Variants in MTOR observed in about 807,000 individuals in gnomAD.
The protein encoded by MTOR is mechanistic target of rapamycin kinase.
A neutral mutation model predicts 319.8 loss-of-function variants in MTOR; 70 were observed. The observed-to-expected ratio is 0.22, with a 90% CI of 0.18 to 0.27. MTOR has a LOEUF of 0.27. Ranked by LOEUF, MTOR falls within the 10% of genes least tolerant of loss-of-function variation. The pLI, the probability that MTOR is intolerant of heterozygous loss-of-function variation, is 1.00. For synonymous variants in MTOR, 1,183 were observed against 1,211.4 expected (o/e 0.98, Z 0.49); for missense variants, 1,890 against 3,274.4 (o/e 0.58, Z 10.32).
At chr1:11,251,472 A>G (rs1163681120) in intron 6 of MTOR, among the ~76,000 whole-genome samples, 6 of 152,174 alleles carry the variant, frequency 3.9e-5, no homozygotes. Flanking sequence ...CATATGATAT[A>G]TAATAGGTTT....
intron 6 of MTOR, among the ~76,000 whole-genome samples, chr1:11,251,050 C>G (rs1005632569): frequency 6.6e-6 from 1 of 152,204 alleles, no homozygotes; most frequent in African/African-American, 2.4e-5. Flanking sequence ...ACAATCCATT[C>G]TCAACACAAT....
At chr1:11,117,611 T>G (rs995140150) in intron 49 of MTOR, among the ~76,000 whole-genome samples, 1 of 152,092 alleles carries the variant, frequency 6.6e-6, no homozygotes, top group Non-Finnish European at 1.5e-5. Flanking sequence ...ATGAAAAATA[T>G]CAGTTTAAGG....
At chr1:11,238,916 C>T (rs1204145186) in intron 11 of MTOR, among the ~76,000 whole-genome samples, 7 of 148,932 alleles carry the variant, frequency 4.7e-5, no homozygotes, top group African/African-American at 1.7e-4. Flanking sequence ...GTGCCTACCA[C>T]CACGCCTGGC....
At chr1:11,108,384 T>A in intron 56 of MTOR, 98 bp from the exon 57 acceptor site, 1 of 973,142 alleles carries the variant, frequency 1.0e-6, no homozygotes, top group Non-Finnish European at 1.6e-6. Flanking sequence ...CAGCTTATCG[T>A]CAGACATGAA....
Position 11,212,883 on chromosome 1 carries a change from C to T in MTOR, c.3311G>A (p.Gly1104Asp). ...IKLLAAIQLF[G>D]ANLDDYLHLL... is the part of the protein sequence containing the mutation. ...ATGCAGGTAGTCATCCAGGTTGGCG[C>T]CAAACAGCTGGATTGCAGCCAGTAA... Residue 1104 changes from glycine (G) to aspartate (D), a missense_variant, in exon 22 of 58, where the codon GGC becomes GAC. Gly to Asp is a moderately conservative substitution (Grantham distance 94). This residue lies in a region of MTOR where 377 missense variants were observed against 653.9 expected (regional missense o/e 0.58). Transcript: ENST00000361445. The surrounding 1 kb of genome is among the most constrained non-coding windows in gnomAD (Gnocchi z 4.1). 6.2e-7 allele frequency: 1 copy of T among 1,613,994 alleles called. No individual in the cohort carries two copies. The highest frequency in any genetic ancestry group is 8.5e-7 in the Non-Finnish European group (1 of 1,179,954).
At chr1:11,124,433 G>A (rs895741101) in intron 47 of MTOR, 65 bp downstream of exon 47, 8 of 1,569,158 alleles carry the variant, frequency 5.1e-6, no homozygotes, top group African/African-American at 1.4e-5. Context: ...ATGACTACAC[G>A]AGACAAATGT....
At chr1:11,112,793 C>G in intron 54 of MTOR, 59 bp downstream of exon 54, 1 of 1,578,940 alleles carries the variant, frequency 6.3e-7, no homozygotes, top group Non-Finnish European at 8.7e-7. Flanking sequence ...GCCCACCCCA[C>G]TCTACAAACA....
In MTOR at chr1:11,139,593, A is replaced by G. The variant is rs768933212; in HGVS notation, c.4938T>C (p.Pro1646=). The G allele has an allele frequency of 1.9e-6, 3 of 1,614,184 alleles. No homozygotes were observed. The highest frequency in any genetic ancestry group is 8.5e-7 in the Non-Finnish European group (1 of 1,180,028). ...ILMVRSLVVS[P]HEDMRTWLKY... ...TGAGCCAGGTTCTCATGTCTTCATG[A>G]GGGCTGACCACAAGGGACCGCACCA... is the stretch of plus-strand genomic sequence containing the variant. Residue 1646 remains proline (P), a synonymous_variant, in exon 35 of 58, where the codon CCT becomes CCC. Transcript: ENST00000361445.
intron 19 of MTOR, among the ~76,000 whole-genome samples, chr1:11,222,915 C>A (rs1237057720): frequency 6.6e-6 from 1 of 152,036 alleles, no homozygotes; most frequent in African/African-American, 2.4e-5. Context: ...ATGACAATAT[C>A]CGAACCCACT....
intron 57 of MTOR, 125 bp from the exon 58 acceptor site, chr1:11,107,625 A>T: frequency 2.1e-6 from 2 of 962,704 alleles, no homozygotes; most frequent in Non-Finnish European, 3.1e-6. Flanking sequence ...GCTCTCCCAC[A>T]GCTAATTGCA....
chr1:11,127,826 G>C lies in MTOR; in HGVS notation c.6034-20C>G, dbSNP rs187701771. On this transcript the variant is annotated intron_variant, in intron 43 of 57. Transcript: ENST00000361445. The surrounding 1 kb of genome is among the most constrained non-coding windows in gnomAD (Gnocchi z 5.5). ...GCTCACCTGAAGCCAAGAGAAGAAGGAGAGAAGCATCAAGAATCAGCTAAC... is the reference window on the plus strand; with the variant it reads ...GCTCACCTGAAGCCAAGAGAAGAAGCAGAGAAGCATCAAGAATCAGCTAAC... 1.9e-6 allele frequency: 3 copies of C among 1,606,500 alleles called. No homozygotes were observed. Among genetic ancestry groups the C allele is most frequent in the Non-Finnish European group, 2.6e-6 (3 of 1,176,240 alleles).
At chr1:11,206,239 T>C (rs1646134136) in intron 25 of MTOR, among the ~76,000 whole-genome samples, 1 of 152,238 alleles carries the variant, frequency 6.6e-6, no homozygotes, top group Non-Finnish European at 1.5e-5. Flanking sequence ...CTGTATTATA[T>C]TATACAGCAA....
chr1:11,251,686 C>A, intron 6 of MTOR, among the ~76,000 whole-genome samples: 1 of 128,494 alleles, frequency 7.8e-6, no homozygotes. Flanking sequence ...GTGACAAGGT[C>A]TCATTATGTT....
chr1:11,220,685 G>C (rs1434611648), intron 19 of MTOR, among the ~76,000 whole-genome samples: 1 of 152,182 alleles, frequency 6.6e-6, no homozygotes, highest in Non-Finnish European at 1.5e-5. Flanking sequence ...TCGTGCTCTA[G>C]AAGCTAGAAA....
At chr1:11,183,240 T>C (rs577238584) in intron 28 of MTOR, among the ~76,000 whole-genome samples, 1 of 152,346 alleles carries the variant, frequency 6.6e-6, no homozygotes, top group African/African-American at 2.4e-5. Context: ...TTTTCATGTA[T>C]TTATAAGCCT....
chr1:11,158,073 TAC>T (rs1053550692), intron 29 of MTOR, among the ~76,000 whole-genome samples: 79 of 152,272 alleles, frequency 5.2e-4, no homozygotes, highest in Middle Eastern at 3.4e-3. Context: ...GTCTGAAAGT[TAC>T]AGACTATGAC....
At chr1:11,228,426 T>C (rs925171708) in intron 19 of MTOR, among the ~76,000 whole-genome samples, 6 of 152,050 alleles carry the variant, frequency 3.9e-5, no homozygotes, top group African/African-American at 7.2e-5. Flanking sequence ...TGACCTCAGG[T>C]GATCTGCCCA....
intron 1 of MTOR, among the ~76,000 whole-genome samples, chr1:11,260,472 G>A (rs557135228): frequency 1.3e-5 from 2 of 151,992 alleles, no homozygotes; most frequent in East Asian, 3.9e-4. Context: ...AACCCAGGAG[G>A]CAGAGGTTGC....
At chr1:11,148,692 G>A (rs1644028974) in intron 31 of MTOR, among the ~76,000 whole-genome samples, 1 of 151,988 alleles carries the variant, frequency 6.6e-6, no homozygotes, top group Non-Finnish European at 1.5e-5. Flanking sequence ...ACGAGATCAG[G>A]AGTTCAAGAC....
Sources: allele counts gnomAD v4.1 joint callset (sites outside exome capture counted in the v4.1 genomes callset), GRCh38; gene constraint gnomAD v4.1.1; regional missense constraint gnomAD v4.1.1; non-coding constraint Gnocchi (gnomAD v3.1); transcripts MANE v1.5; gene names NCBI Gene and HGNC (gene_info 2026-07-23, HGNC 2026-07-21).